Variants in PXDN observed in about 807,000 individuals in gnomAD.
PXDN encodes the protein peroxidasin homolog.
Under a neutral mutation model 140.3 loss-of-function variants are expected in PXDN, and 77 were observed. The observed-to-expected ratio is 0.55, with a 90% CI of 0.46 to 0.66. PXDN has a LOEUF of 0.66. PXDN is among the 30% of genes least tolerant of loss of function. The probability of loss-of-function intolerance (pLI) is 0.00; values close to 1 mark genes in which losing one functional copy is unlikely to be tolerated. For synonymous variants in PXDN, 911 were observed against 857.4 expected, an observed-to-expected ratio of 1.06 and a Z score of -1.09; for missense variants, 1,838 against 2,039.5, an observed-to-expected ratio of 0.90 and a Z score of 1.90.
chr2:1,637,840 GCATGCTGTC>G (rs1558482505), intron 21 of PXDN, among the ~76,000 whole-genome samples: 1 of 42,908 alleles, frequency 2.3e-5, no homozygotes, highest in African/African-American at 5.9e-5. Flanking sequence ...AAGACCTGCG[GCATGCTGTC>G]CACTCTGACA....
intron 1 of PXDN, among the ~76,000 whole-genome samples, chr2:1,719,486 G>A (rs991419678): frequency 8.5e-5 from 13 of 152,306 alleles, no homozygotes; most frequent in Admixed American, 7.2e-4. Flanking sequence ...CGAACTCCTC[G>A]CCGGTCCCCG....
At chr2:1,730,596 A>C (rs1281195839) in intron 1 of PXDN, among the ~76,000 whole-genome samples, 12 of 152,162 alleles carry the variant, frequency 7.9e-5, no homozygotes, top group Non-Finnish European at 1.3e-4. Flanking sequence ...GCAGGGGAGG[A>C]GGCATGGTTT....
At chr2:1,721,397 G>C (rs2125481155) in intron 1 of PXDN, among the ~76,000 whole-genome samples, 1 of 152,272 alleles carries the variant, frequency 6.6e-6, no homozygotes, top group African/African-American at 2.4e-5. Context: ...CAAAACAAAT[G>C]GATGAATCAT....
chr2:1,663,828 G>T, intron 11 of PXDN, 65 bp from the exon 12 acceptor site: 1 of 1,567,558 alleles, frequency 6.4e-7, no homozygotes, highest in South Asian at 1.1e-5. Context: ...CTCTCAGACT[G>T]ACAGCATGAC....
chr2:1,680,470 G>C, intron 6 of PXDN, 108 bp from the exon 7 acceptor site: 1 of 1,364,246 alleles, frequency 7.3e-7, no homozygotes, highest in African/African-American at 1.4e-5. Flanking sequence ...TGCCAGGCCT[G>C]CCAGGCTTGC....
rs752831996 is a variant in PXDN, at chr2:1,640,237, T to G, written c.3953-815A>C. On this transcript the variant is annotated intron_variant, in intron 19 of 22. Coordinates refer to ENST00000252804, the MANE Select transcript of PXDN (RefSeq NM_012293.3). ...CCTGTGGACACACTATCTAACGAAGTAATGGGGTGTTCAGTCTGTCTTGTA... is the reference window on the plus strand; with the variant it reads ...CCTGTGGACACACTATCTAACGAAGGAATGGGGTGTTCAGTCTGTCTTGTA... 2.0e-5 allele frequency among the ~76,000 whole-genome samples: 3 copies of G among 152,136 alleles called. No homozygotes were observed. The East Asian group carries it at 5.8e-4, about 29-fold the overall frequency.
At chr2:1,722,764 C>T (rs78278704) in intron 1 of PXDN, among the ~76,000 whole-genome samples, 184 of 152,296 alleles carry the variant, frequency 1.2e-3, no homozygotes, top group African/African-American at 4.0e-3. Flanking sequence ...GAGGGGGGTA[C>T]GAGGAAGCAG....
intron 1 of PXDN, among the ~76,000 whole-genome samples, chr2:1,727,490 G>A (rs900308445): frequency 6.6e-6 from 1 of 152,208 alleles, no homozygotes; most frequent in African/African-American, 2.4e-5. Flanking sequence ...TTCAAGGGGT[G>A]CGGTCACGTC....
rs202202761 is a variant in PXDN at position 1,663,633 on chromosome 2, G to T, written c.1539C>A (p.Val513=). ...QAVNIIGSQK[V]VAHLTVQPRV... The stretch of plus-strand genomic sequence containing the variant: ...TGGGCTGCACAGTCAGGTGGGCCAC[G>T]ACCTTCTGGGAGCCGATGATGTTGA... The change falls in exon 12 of 23, where the codon GTC becomes GTA. Residue 513 remains valine, a synonymous_variant. Transcript: ENST00000252804. The T allele has an allele frequency of 2.5e-6, 4 of 1,613,984 alleles. No homozygotes were observed. The highest frequency in any genetic ancestry group is 1.6e-4 in the Middle Eastern group (1 of 6,062).
intron 18 of PXDN, among the ~76,000 whole-genome samples, chr2:1,644,136 C>T (rs920511382): frequency 3.0e-5 from 4 of 134,048 alleles, no homozygotes; most frequent in Admixed American, 1.5e-4. Context: ...GCAACAAAGA[C>T]GATGGGCAAC....
rs769171499 is a variant in PXDN at position 1,649,189 on chromosome 2, G to T, written c.2591C>A (p.Pro864His). 9.3e-6 allele frequency: 15 copies of T among 1,611,534 alleles called. No homozygotes were observed. The highest frequency in any genetic ancestry group is 2.2e-5 in the East Asian group (1 of 44,732). Residue 864 changes from proline to histidine, a missense_variant, in exon 17 of 23, where the codon CCC becomes CAC. Physicochemically the swap from Pro to His is moderately conservative, Grantham distance 77. Around this residue, in one of 5 missense-constraint regions of PXDN, gnomAD observed 850 missense variants for 894.1 expected, o/e 0.95. Coordinates refer to ENST00000252804, the MANE Select transcript of PXDN (RefSeq NM_012293.3). The surrounding 1 kb of genome is among the most constrained non-coding windows in gnomAD (Gnocchi z 7.1). The part of the protein sequence containing the change: ...DPPCFSVMIP[P>H]NDSRARSGAR... ...CCCGCTCCTGGCCCGGGAGTCATTG[G>T]GGGGGATCATGACAGAGAAGCAGGG...
At chr2:1,663,473 G>A (rs191073073) in intron 12 of PXDN, 132 bp downstream of exon 12, 73 of 1,244,294 alleles carry the variant, frequency 5.9e-5, no homozygotes, top group Non-Finnish European at 6.4e-5. Context: ...GCACAATGAC[G>A]GTGCACAAAA....
rs973183060 is a variant in PXDN at position 1,649,814 on chromosome 2, C to T, written c.2105-139G>A. On this transcript the variant is annotated intron_variant, in intron 16 of 22. Coordinates refer to ENST00000252804, the MANE Select transcript of PXDN (RefSeq NM_012293.3). This position sits in a 1 kb window ranked among gnomAD's most constrained non-coding sequence, Gnocchi z 7.1. Reference sequence around the variant, plus strand: ...AACCTGTTGTGCGCCATGCAACAAGCGCTTCCTGCTGGAAACCTGCTCACC... The same window carrying T: ...AACCTGTTGTGCGCCATGCAACAAGTGCTTCCTGCTGGAAACCTGCTCACC... 17 of 1,001,774 alleles carry T rather than the reference C, an allele frequency of 1.7e-5. No individual in the cohort carries two copies. Among genetic ancestry groups the T allele is most frequent in the East Asian group, 2.6e-5 (1 of 38,406 alleles). The allele number at this position is 1,001,774 out of a possible 1,614,324, so 62.1% of individuals were successfully genotyped here.
At chr2:1,634,620 G>C (rs1307400481) in intron 22 of PXDN, among the ~76,000 whole-genome samples, 3 of 152,208 alleles carry the variant, frequency 2.0e-5, no homozygotes, top group African/African-American at 7.2e-5. Flanking sequence ...AAGACCACCA[G>C]CTGGACACAT....
intron 6 of PXDN, among the ~76,000 whole-genome samples, chr2:1,681,094 G>C (rs898891770): frequency 2.8e-4 from 42 of 152,262 alleles, no homozygotes; most frequent in African/African-American, 1.0e-3. Context: ...CTGGCAGCTG[G>C]ATGTGAGACA....
chr2:1,638,026 G>C (rs908611228), intron 21 of PXDN, among the ~76,000 whole-genome samples: 3 of 152,168 alleles, frequency 2.0e-5, no homozygotes, highest in African/African-American at 7.2e-5. Flanking sequence ...GAGTAGTCAG[G>C]GTACCTCTCC....
chr2:1,654,768 G>C (rs1683091672), intron 14 of PXDN, among the ~76,000 whole-genome samples: 1 of 152,176 alleles, frequency 6.6e-6, no homozygotes, highest in Admixed American at 6.5e-5. Flanking sequence ...GTGAAGCATG[G>C]AAGATCTTAC....
At chr2:1,719,964 GATGCAC>G (rs1180724185) in intron 1 of PXDN, among the ~76,000 whole-genome samples, 1 of 90,040 alleles carries the variant, frequency 1.1e-5, no homozygotes, top group African/African-American at 3.8e-5. Flanking sequence ...GAGAGAGGGA[GATGCAC>G]AGAGAGAGGG....
chr2:1,737,916 A>G (rs1383176064), intron 1 of PXDN, among the ~76,000 whole-genome samples: 2 of 152,216 alleles, frequency 1.3e-5, no homozygotes, highest in African/African-American at 2.4e-5. Flanking sequence ...AAAAATATCT[A>G]TCAACCAGTT....
Sources: allele counts gnomAD v4.1 joint callset (sites outside exome capture counted in the v4.1 genomes callset), GRCh38; gene constraint gnomAD v4.1.1; regional missense constraint gnomAD v4.1.1; non-coding constraint Gnocchi (gnomAD v3.1); transcripts MANE v1.5; gene names NCBI Gene and HGNC (gene_info 2026-07-23, HGNC 2026-07-21).